The following SEC24B variants were observed in gnomAD, a reference collection of about 807,000 sequenced individuals.
SEC24B encodes protein transport protein Sec24B.
In SEC24B, 45 loss-of-function variants were observed where a neutral mutation model predicts 142.8. That is an observed-to-expected ratio of 0.32 (90% CI 0.25 to 0.40). The LOEUF is 0.40. SEC24B is among the 10% of genes least tolerant of loss of function. The pLI is 1.00. For missense variants in SEC24B, 1,409 were observed against 1,526.8 expected (o/e 0.92, Z 1.29); for synonymous variants, 574 against 568.2 (o/e 1.01, Z -0.15).
At chr4:109,478,283 C>CT (rs1362831441) in intron 3 of SEC24B, among the ~76,000 whole-genome samples, 2 of 132,884 alleles carry the variant, frequency 1.5e-5, no homozygotes, top group Non-Finnish European at 3.2e-5. Flanking sequence ...GAGACTCTGT[C>CT]TTAAAAAAAA....
chr4:109,511,888 G>C (rs1737375695), intron 8 of SEC24B, 69 bp from the exon 9 acceptor site: 6 of 1,485,250 alleles, frequency 4.0e-6, no homozygotes, highest in Non-Finnish European at 5.6e-6. Flanking sequence ...ATTTGGAGCA[G>C]ATCTGTGTAC....
At chr4:109,519,626 T>TG (rs1306867377) in intron 11 of SEC24B, among the ~76,000 whole-genome samples, 1 of 152,202 alleles carries the variant, frequency 6.6e-6, no homozygotes, top group Non-Finnish European at 1.5e-5. Context: ...GATTAGTCTG[T>TG]GGAAACATCA....
intron 5 of SEC24B, among the ~76,000 whole-genome samples, chr4:109,493,216 T>C (rs1735198115): frequency 2.0e-5 from 3 of 151,798 alleles, no homozygotes; most frequent in Admixed American, 2.0e-4. Flanking sequence ...CAGCACAAGA[T>C]GATAGCAGAA....
intron 3 of SEC24B, among the ~76,000 whole-genome samples, chr4:109,481,264 T>C (rs1029815153): frequency 6.6e-6 from 1 of 152,216 alleles, no homozygotes; most frequent in South Asian, 2.1e-4. Flanking sequence ...ATGTGTTTTG[T>C]ATGCTGTACA....
chr4:109,499,598 T>C (rs1366200953), intron 6 of SEC24B, among the ~76,000 whole-genome samples: 1 of 152,208 alleles, frequency 6.6e-6, no homozygotes, highest in Non-Finnish European at 1.5e-5. Context: ...TATGTGATGG[T>C]GGTCCCATAA....
chr4:109,443,732 G>A (rs1729147135), intron 1 of SEC24B, among the ~76,000 whole-genome samples: 1 of 152,164 alleles, frequency 6.6e-6, no homozygotes, highest in Non-Finnish European at 1.5e-5. Flanking sequence ...TGAGAAGGGT[G>A]CCCAGAGTTT....
chr4:109,467,150 C>A (rs1186662476), intron 2 of SEC24B, among the ~76,000 whole-genome samples: 1 of 151,412 alleles, frequency 6.6e-6, no homozygotes, highest in Admixed American at 6.6e-5. Flanking sequence ...CACGGTGAAA[C>A]CCCGTCTCTA....
chr4:109,477,210 C>G (rs1324727016), intron 3 of SEC24B, among the ~76,000 whole-genome samples: 2 of 150,824 alleles, frequency 1.3e-5, no homozygotes, highest in Non-Finnish European at 2.9e-5. Flanking sequence ...CATTGCACAC[C>G]TTTTGCCTTC....
At chr4:109,497,378 A>T (rs1329479550) in intron 6 of SEC24B, among the ~76,000 whole-genome samples, 1 of 152,248 alleles carries the variant, frequency 6.6e-6, no homozygotes, top group Non-Finnish European at 1.5e-5. Flanking sequence ...ACATCATTTT[A>T]TTCTGTAATC....
In SEC24B at chr4:109,482,954, A is replaced by G. The variant is rs1265816005; in HGVS notation, c.1165+1173A>G. ...GCTTGTACTATATATATATATATAT[A>G]TATATATATATATATATATATATAT... On this transcript the variant is annotated intron_variant, in intron 4 of 23. Transcript: ENST00000265175. Among the ~76,000 whole-genome samples the G allele has an allele frequency of 3.2e-3, 182 of 57,712 alleles. 4 individuals carry two copies. Among genetic ancestry groups the G allele is most frequent in the African/African-American group, 0.023 (175 of 7,718 alleles). The allele number at this position is 57,712 out of a possible 152,430, so 37.9% of individuals were successfully genotyped here. A position where few individuals can be genotyped will look rare whatever the true frequency, so the allele number is the denominator to read the frequency against.
At chr4:109,443,561 TC>T (rs772699084) in intron 1 of SEC24B, among the ~76,000 whole-genome samples, 3 of 152,126 alleles carry the variant, frequency 2.0e-5, no homozygotes, top group Non-Finnish European at 2.9e-5. Context: ...AATTTACAAT[TC>T]CTAGCAAATA....
At chr4:109,510,447 A>G (rs1737195307) in intron 8 of SEC24B, among the ~76,000 whole-genome samples, 1 of 152,204 alleles carries the variant, frequency 6.6e-6, no homozygotes, top group African/African-American at 2.4e-5. Flanking sequence ...TGAGTACAGT[A>G]TGAGAAGTGA....
At chr4:109,530,771 C>T (rs369300008) in intron 19 of SEC24B, among the ~76,000 whole-genome samples, 8 of 151,996 alleles carry the variant, frequency 5.3e-5, no homozygotes, top group African/African-American at 1.9e-4. Flanking sequence ...TGGCACGCGC[C>T]TGTAATCCCA....
intron 3 of SEC24B, among the ~76,000 whole-genome samples, chr4:109,479,262 G>A (rs1733481866): frequency 6.6e-6 from 1 of 152,170 alleles, no homozygotes; most frequent in Admixed American, 6.5e-5. Context: ...GGAAGCTCTG[G>A]TTAAGATAGA....
intron 1 of SEC24B, among the ~76,000 whole-genome samples, chr4:109,444,844 A>G (rs1256198601): frequency 1.3e-5 from 2 of 152,348 alleles, no homozygotes; most frequent in African/African-American, 4.8e-5. Flanking sequence ...TGTCAGAATC[A>G]TCTGTTTCCC....
chr4:109,494,546 G>A (rs1735335129), intron 5 of SEC24B, 69 bp from the exon 6 acceptor site: 5 of 1,595,014 alleles, frequency 3.1e-6, no homozygotes, highest in Non-Finnish European at 4.3e-6. Context: ...GTTATGGACT[G>A]GATCAGGAGT....
intron 22 of SEC24B, among the ~76,000 whole-genome samples, chr4:109,536,434 T>A (rs1725544080): frequency 6.6e-6 from 1 of 152,214 alleles, no homozygotes; most frequent in African/African-American, 2.4e-5. Context: ...ATTTACCTTA[T>A]TCCTTATATC....
chr4:109,496,916 A>G (rs935499456), intron 6 of SEC24B, among the ~76,000 whole-genome samples: 17 of 152,328 alleles, frequency 1.1e-4, no homozygotes, highest in Middle Eastern at 3.4e-3. Context: ...AATTTTTATG[A>G]TGAGAAAACC....
In SEC24B at chr4:109,463,222, A is replaced by G; in HGVS notation, c.455A>G (p.Tyr152Cys). Residue 152 changes from tyrosine (Y) to cysteine (C), a missense_variant, in exon 2 of 24, where the codon TAC (tyrosine) becomes TGC (cysteine). Around this residue, in one of 2 missense-constraint regions of SEC24B, gnomAD observed 709 missense variants for 673.5 expected, o/e 1.05. Transcript: ENST00000265175. The part of the protein sequence containing the change: ...SHLHTSASQP[Y>C]SSFVNHYNSP... ...TTGCATACGAGTGCCTCCCAACCAT[A>G]CTCCTCTTTTGTGAATCACTACAAT... 1 of 1,613,674 alleles carries G rather than the reference A, an allele frequency of 6.2e-7. No individual in the cohort carries two copies. Among genetic ancestry groups the G allele is most frequent in the African/African-American group, 1.3e-5 (1 of 74,850 alleles).
Sources: gnomAD v4.1 joint callset for allele counts (sites outside exome capture counted in the v4.1 genomes callset) on GRCh38, gnomAD v4.1.1 for gene constraint, gnomAD v4.1.1 regional missense constraint, MANE v1.5 for transcripts, NCBI Gene and HGNC (gene_info 2026-07-23, HGNC 2026-07-21) for gene names.